The following ME1 variants were observed in gnomAD, a reference collection of about 807,000 sequenced individuals.
The protein encoded by ME1 is malic enzyme 1.
In ME1, 74 loss-of-function variants were observed where a neutral mutation model predicts 66.4. The observed-to-expected ratio is 1.11, with a 90% CI of 0.92 to 1.35. The LOEUF is 1.35. ME1 is among the 40% of genes most tolerant of loss of function. ME1 has a pLI of 0.00. For missense variants in ME1, 750 were observed against 694.1 expected, an observed-to-expected ratio of 1.08 and a Z score of -0.90; for synonymous variants, 251 against 235.6, an observed-to-expected ratio of 1.07 and a Z score of -0.60.
At chr6:83,359,949 C>T (rs12524172) in intron 3 of ME1, among the ~76,000 whole-genome samples, 48,724 of 151,956 alleles carry the variant, frequency 0.32, 8,186 homozygotes, top group Middle Eastern at 0.5. Context: ...GTGGAGCTAC[C>T]GTAATAGAGA....
chr6:83,229,005 T>A, intron 9 of ME1, 74 bp from the exon 10 acceptor site: 1 of 899,450 alleles, frequency 1.1e-6, no homozygotes, highest in South Asian at 1.5e-5. Context: ...GTACATATAT[T>A]ACAAATATTT....
intron 4 of ME1, among the ~76,000 whole-genome samples, chr6:83,350,903 C>G (rs1768787811): frequency 7.5e-6 from 1 of 134,212 alleles, no homozygotes; most frequent in Non-Finnish European, 1.5e-5. Context: ...TTTCTAAGAC[C>G]AGAATCTGTG....
At chr6:83,271,454 C>G (rs1767080519) in intron 6 of ME1, among the ~76,000 whole-genome samples, 1 of 152,068 alleles carries the variant, frequency 6.6e-6, no homozygotes, top group Non-Finnish European at 1.5e-5. Context: ...GAATAATAAG[C>G]ATATGTGGAA....
At chr6:83,378,245 T>C (rs1322628456) in intron 3 of ME1, among the ~76,000 whole-genome samples, 4 of 152,052 alleles carry the variant, frequency 2.6e-5, no homozygotes, top group Non-Finnish European at 4.4e-5. Flanking sequence ...AAAACTACTA[T>C]AATTGAGCAT....
chr6:83,345,371 A>G (rs1352405846), intron 5 of ME1, among the ~76,000 whole-genome samples: 1 of 152,228 alleles, frequency 6.6e-6, no homozygotes. Flanking sequence ...TTCTATGTGT[A>G]GGTTAAAAAC....
chr6:83,364,631 C>T (rs1373356551), intron 3 of ME1, among the ~76,000 whole-genome samples: 1 of 152,090 alleles, frequency 6.6e-6, no homozygotes, highest in Non-Finnish European at 1.5e-5. Flanking sequence ...TGCTTCCAGG[C>T]CAACCCAATG....
At chr6:83,217,557 C>T (rs1022915486) in intron 12 of ME1, among the ~76,000 whole-genome samples, 5 of 151,798 alleles carry the variant, frequency 3.3e-5, no homozygotes, top group Admixed American at 6.6e-5. Context: ...TAACAGAGTA[C>T]GGGAAGAAAA....
intron 1 of ME1, among the ~76,000 whole-genome samples, chr6:83,418,425 G>C (rs1441878487): frequency 6.6e-6 from 1 of 152,094 alleles, no homozygotes; most frequent in Non-Finnish European, 1.5e-5. Context: ...CCAGCTTCAG[G>C]ACAGTCAGGC....
intron 5 of ME1, among the ~76,000 whole-genome samples, chr6:83,325,527 C>T (rs545929086): frequency 5.3e-4 from 80 of 152,208 alleles, no homozygotes; most frequent in African/African-American, 1.8e-3. Context: ...TCTCAGGATG[C>T]AAAATCAATA....
intron 3 of ME1, among the ~76,000 whole-genome samples, chr6:83,379,459 T>C (rs1161829727): frequency 6.6e-6 from 1 of 152,090 alleles, no homozygotes; most frequent in Non-Finnish European, 1.5e-5. Flanking sequence ...GTACTAAATA[T>C]GATATACTAG....
intron 9 of ME1, among the ~76,000 whole-genome samples, chr6:83,229,824 T>C (rs1790264456): frequency 6.6e-6 from 1 of 152,136 alleles, no homozygotes; most frequent in South Asian, 2.1e-4. Context: ...ATCATTTTAT[T>C]TCTGTTGCTT....
chr6:83,409,592 A>G (rs1302334395), intron 1 of ME1, among the ~76,000 whole-genome samples: 2 of 152,192 alleles, frequency 1.3e-5, no homozygotes, highest in South Asian at 2.1e-4. Context: ...CATGTCACTG[A>G]TGGAAAGGTT....
intron 2 of ME1, among the ~76,000 whole-genome samples, chr6:83,404,918 T>C (rs556305029): frequency 3.9e-4 from 59 of 152,332 alleles, no homozygotes; most frequent in South Asian, 1.0e-3. Context: ...TGCCTTGTAG[T>C]ATAGTTTGAA....
chr6:83,304,106 TCTGAAGGTACTA>T (rs1469213428), intron 6 of ME1, among the ~76,000 whole-genome samples: 1 of 152,170 alleles, frequency 6.6e-6, no homozygotes, highest in Non-Finnish European at 1.5e-5. Context: ...ATAACAACTG[TCTGAAGGTACTA>T]CTGAAGGTAC....
chr6:83,418,850 CAGTT>C lies in ME1; in HGVS notation c.79-10953_79-10950del, dbSNP rs374417515. Among the ~76,000 whole-genome samples, 26 of 152,190 alleles carry C rather than the reference CAGTT, an allele frequency of 1.7e-4. No individual in the cohort carries two copies. In the South Asian group the frequency reaches 1.9e-3, roughly 11 times the overall value. Reference sequence around the variant, plus strand: ...AAGAAAAGGAAGAACTTAATTTAGACAGTTAGAGAAATAGTTCACTGAGGAGTAA... The same window carrying C: ...AAGAAAAGGAAGAACTTAATTTAGACAGAGAAATAGTTCACTGAGGAGTAA... On this transcript the variant is annotated intron_variant, in intron 1 of 13. Transcript: ENST00000369705.
intron 3 of ME1, among the ~76,000 whole-genome samples, chr6:83,395,636 C>G (rs1479396682): frequency 6.6e-6 from 1 of 151,258 alleles, no homozygotes; most frequent in Non-Finnish European, 1.5e-5. Flanking sequence ...CCACCATGCC[C>G]AGCTAATTTT....
At chr6:83,275,937 T>C (rs1409706075) in intron 6 of ME1, among the ~76,000 whole-genome samples, 1 of 150,816 alleles carries the variant, frequency 6.6e-6, no homozygotes, top group Non-Finnish European at 1.5e-5. Context: ...GCCCAGCTAA[T>C]TTTTTTGTAT....
At chr6:83,237,497 T>A (rs921373245) in intron 9 of ME1, among the ~76,000 whole-genome samples, 1 of 151,504 alleles carries the variant, frequency 6.6e-6, no homozygotes, top group African/African-American at 2.4e-5. Flanking sequence ...TTCAAAGGGG[T>A]GTAAGGAGCC....
chr6:83,256,342 A>C (rs559260352), intron 6 of ME1, among the ~76,000 whole-genome samples: 5 of 152,340 alleles, frequency 3.3e-5, no homozygotes, highest in African/African-American at 1.2e-4. Context: ...TAGGCAGGTA[A>C]ATAATGTTCT....
Sources: allele counts gnomAD v4.1 joint callset (sites outside exome capture counted in the v4.1 genomes callset), GRCh38; gene constraint gnomAD v4.1.1; transcripts MANE v1.5; gene names NCBI Gene and HGNC (gene_info 2026-07-23, HGNC 2026-07-21).